Variants in ST7L observed in about 807,000 individuals in gnomAD.
The protein encoded by ST7L is suppressor of tumorigenicity 7 protein-like.
A neutral mutation model predicts 72.5 loss-of-function variants in ST7L; 57 were observed. The ratio of observed to expected loss-of-function variants is 0.79; its 90% confidence interval spans 0.64 to 0.98. The LOEUF (loss-of-function observed/expected upper bound fraction) is 0.98, where lower values mean the gene tolerates loss of function less well. ST7L is among the 50% of genes least tolerant of loss of function. The pLI, the probability that ST7L is intolerant of heterozygous loss-of-function variation, is 0.00. For missense variants in ST7L, 576 were observed against 672.2 expected (o/e 0.86, Z 1.58); for synonymous variants, 221 against 240.9 (o/e 0.92, Z 0.77).
At chr1:112,539,935 T>C (rs1444107408) in intron 14 of ST7L, 2 of 985,338 alleles carry the variant, frequency 2.0e-6, no homozygotes, top group African/African-American at 3.5e-5. Context: ...GCTTGTTTAT[T>C]ATCCATCAAC....
intron 6 of ST7L, among the ~76,000 whole-genome samples, chr1:112,590,966 T>C (rs1377234852): frequency 6.7e-6 from 1 of 149,328 alleles, no homozygotes; most frequent in Non-Finnish European, 1.5e-5. Context: ...AGTCTTGCTC[T>C]GTCGCCCAAG....
chr1:112,599,033 C>T (rs1389409859), intron 4 of ST7L, among the ~76,000 whole-genome samples: 1 of 125,708 alleles, frequency 8.0e-6, no homozygotes, highest in East Asian at 2.5e-4. Context: ...GCACTCCAGC[C>T]TGGATGACAG....
At chr1:112,542,491 T>A (rs1656268636) in intron 13 of ST7L, among the ~76,000 whole-genome samples, 1 of 152,178 alleles carries the variant, frequency 6.6e-6, no homozygotes, top group Non-Finnish European at 1.5e-5. Context: ...CAGGTGGTGG[T>A]TCACGTCTGT....
chr1:112,580,156 G>GTT lies in ST7L; in HGVS notation c.1070-1741_1070-1740dup, dbSNP rs35314288. 9.2e-5 allele frequency among the ~76,000 whole-genome samples: 14 copies of GTT among 151,826 alleles called. No homozygotes were observed. In the East Asian group the frequency reaches 1.7e-3, roughly 19 times the overall value. ...ATGTGAATAAACGACCTTTTTCTTT[G>GTT]TTTTTTTTGTGAGATAGGGTCTCAC... On this transcript the variant is annotated intron_variant, in intron 9 of 14. Transcript: ENST00000358039.
intron 9 of ST7L, among the ~76,000 whole-genome samples, chr1:112,580,322 A>T (rs545724986): frequency 6.6e-6 from 1 of 152,192 alleles, no homozygotes; most frequent in African/African-American, 2.4e-5. Context: ...CTAAATTTTT[A>T]AAATATTTTT....
At chr1:112,529,987 A>T (rs2101179919) in intron 14 of ST7L, 1 of 152,338 alleles carries the variant, frequency 6.6e-6, no homozygotes, top group Non-Finnish European at 1.5e-5. Flanking sequence ...GCTACAAATC[A>T]GACCTCTGAA....
In ST7L at chr1:112,580,760, TA is replaced by T. The variant is rs893179956; in HGVS notation, c.1069+1231del. Among the ~76,000 whole-genome samples the T allele has an allele frequency of 2.6e-5, 4 of 151,570 alleles. No individual in the cohort carries two copies. The East Asian group carries it at 7.7e-4, about 29-fold the overall frequency. ...CAACATGGTGAAACCTCATCTCTAC[TA>T]AAAAAAATACAAAAAAATTAGCCAG... On this transcript the variant is annotated intron_variant, in intron 9 of 14. Coordinates refer to ENST00000358039, the MANE Select transcript of ST7L (RefSeq NM_017744.5).
intron 14 of ST7L, among the ~76,000 whole-genome samples, chr1:112,531,249 TG>T (rs1340428142): frequency 1.3e-5 from 2 of 152,244 alleles, no homozygotes; most frequent in African/African-American, 4.8e-5. Flanking sequence ...AATGTATGAG[TG>T]TAGAGCTTTT....
At chr1:112,579,218 A>C (rs988709193) in intron 9 of ST7L, among the ~76,000 whole-genome samples, 6 of 151,908 alleles carry the variant, frequency 3.9e-5, no homozygotes, top group African/African-American at 1.2e-4. Flanking sequence ...CCCTGTCTCT[A>C]CTAAAAATAC....
intron 5 of ST7L, among the ~76,000 whole-genome samples, chr1:112,595,689 G>A (rs1485004490): frequency 6.6e-6 from 1 of 152,112 alleles, no homozygotes; most frequent in Non-Finnish European, 1.5e-5. Context: ...AAAGTGCTGG[G>A]ATTACAGGCA....
intron 9 of ST7L, among the ~76,000 whole-genome samples, chr1:112,578,909 T>G (rs1018525110): frequency 2.0e-5 from 3 of 152,224 alleles, no homozygotes; most frequent in African/African-American, 7.2e-5. Context: ...GTATATGAAG[T>G]TGAAAAAGCT....
intron 14 of ST7L, among the ~76,000 whole-genome samples, chr1:112,535,919 T>C (rs1655135113): frequency 6.6e-6 from 1 of 152,142 alleles, no homozygotes; most frequent in South Asian, 2.1e-4. Flanking sequence ...TCTTTTCTCT[T>C]GATCCAAAAT....
intron 14 of ST7L, among the ~76,000 whole-genome samples, chr1:112,533,655 T>A (rs1557940955): frequency 6.6e-6 from 1 of 151,982 alleles, no homozygotes; most frequent in African/African-American, 2.4e-5. Flanking sequence ...TATATATGTA[T>A]GTATGTACCT....
At chr1:112,590,933 T>TC (rs1665615828) in intron 6 of ST7L, among the ~76,000 whole-genome samples, 2 of 149,450 alleles carry the variant, frequency 1.3e-5, no homozygotes, top group African/African-American at 4.9e-5. Context: ...AGTACCCTTT[T>TC]TTTTTTTTTT....
At chr1:112,556,317 T>C (rs1290136881) in intron 11 of ST7L, among the ~76,000 whole-genome samples, 2 of 152,188 alleles carry the variant, frequency 1.3e-5, no homozygotes, top group Admixed American at 6.5e-5. Flanking sequence ...TAGATATTTA[T>C]TTTTCCAAAA....
rs768391991 is a variant in ST7L, at chr1:112,591,527, A to G, written c.699T>C (p.Asn233=). 2.5e-6 allele frequency: 4 copies of G among 1,605,396 alleles called. No homozygotes were observed. In the Admixed American group the frequency reaches 6.9e-5, roughly 28 times the overall value. ...TTTTCCATATATTTCAAACTTACTC[A>G]TTGTTTAATTCTAAAGCTTGATAGG... ...KAAYQALELN[N]DCATAYVLLA... is the part of the protein sequence containing the mutation. The change falls in exon 6 of 15, where the codon AAT becomes AAC. Residue 233 remains asparagine, a splice_region_variant and synonymous_variant. Coordinates refer to ENST00000358039, the MANE Select transcript of ST7L (RefSeq NM_017744.5).
chr1:112,592,819 T>C (rs542296630), intron 5 of ST7L, among the ~76,000 whole-genome samples: 2 of 152,024 alleles, frequency 1.3e-5, no homozygotes, highest in South Asian at 2.1e-4. Flanking sequence ...ATACAAAACA[T>C]TGTGATAACA....
rs182806368 is a variant in ST7L at position 112,529,524 on chromosome 1, T to A, written c.1630-3413A>T. The A allele has an allele frequency of 1.6e-3, 246 of 152,288 alleles. 1 individual carries two copies. The highest frequency in any genetic ancestry group is 5.4e-3 in the African/African-American group (225 of 41,556). 9.4% of individuals were successfully genotyped at this position (152,288 alleles called of 1,614,324 possible). A position where few individuals can be genotyped will look rare whatever the true frequency, so the allele number is the denominator to read the frequency against. On this transcript the variant is annotated intron_variant, in intron 14 of 14. Coordinates refer to ENST00000358039, the MANE Select transcript of ST7L (RefSeq NM_017744.5). ...TGGTTGTTTTATTTACATTTCTGAATGGAAAGGATTTCAATACTCATAAAA... is the reference window on the plus strand; with the variant it reads ...TGGTTGTTTTATTTACATTTCTGAAAGGAAAGGATTTCAATACTCATAAAA...
At chr1:112,588,815 C>A (rs926591724) in intron 6 of ST7L, among the ~76,000 whole-genome samples, 21 of 152,122 alleles carry the variant, frequency 1.4e-4, no homozygotes, top group African/African-American at 4.8e-4. Context: ...GCTATTATTT[C>A]TTCAAGTATT....
Sources: gnomAD v4.1 joint callset for allele counts (sites outside exome capture counted in the v4.1 genomes callset) on GRCh38, gnomAD v4.1.1 for gene constraint, MANE v1.5 for transcripts, NCBI Gene and HGNC (gene_info 2026-07-23, HGNC 2026-07-21) for gene names.